DBN1: variants seen among roughly 807,000 people sequenced by gnomAD.
DBN1 encodes drebrin.
In DBN1, 21 loss-of-function variants were observed where a neutral mutation model predicts 83.5. The observed-to-expected ratio is 0.25, with a 90% CI of 0.18 to 0.36. The LOEUF is 0.36. Ranked by LOEUF, DBN1 falls within the 10% of genes least tolerant of loss-of-function variation. The pLI, the probability that DBN1 is intolerant of heterozygous loss-of-function variation, is 1.00. For missense variants in DBN1, 874 were observed against 935.7 expected (o/e 0.93, Z 0.86); for synonymous variants, 381 against 384.9 (o/e 0.99, Z 0.12).
intron 12 of DBN1, 85 bp downstream of exon 12, chr5:177,459,013 T>C: frequency 6.5e-7 from 1 of 1,530,940 alleles, no homozygotes; most frequent in East Asian, 2.3e-5. Context: ...CCCAGATCCC[T>C]GGAGAACGGT....
chr5:177,470,489 T>C (rs972546112), intron 1 of DBN1, among the ~76,000 whole-genome samples: 6 of 151,846 alleles, frequency 4.0e-5, no homozygotes, highest in Admixed American at 2.6e-4. Flanking sequence ...GCCGCAGCTC[T>C]CCCCCAGCAG....
intron 1 of DBN1, chr5:177,472,009 G>C (rs1000216234): frequency 1.3e-5 from 17 of 1,277,502 alleles, no homozygotes; most frequent in Non-Finnish European, 3.2e-6. Context: ...AGGCCAAGCC[G>C]GCCACTTGCC....
Position 177,467,213 on chromosome 5 carries a change from C to CA in DBN1, c.555+41dup, listed in dbSNP as rs759060521. 3.2e-5 allele frequency: 51 copies of CA among 1,612,394 alleles called. No individual in the cohort carries two copies. Among genetic ancestry groups the CA allele is most frequent in the Non-Finnish European group, 4.3e-5 (51 of 1,178,508 alleles). On this transcript the variant is annotated intron_variant, in intron 6 of 14. Transcript: ENST00000393565. This position sits in a 1 kb window ranked among gnomAD's most constrained non-coding sequence, Gnocchi z 9.1. ...GGACTCAGACCTGCCCCATGGGGTC[C>CA]ATGAGGGGTGGCTCAGCCAGGCCGG...
chr5:177,464,176 G>A (rs527870115), intron 8 of DBN1, among the ~76,000 whole-genome samples: 15 of 151,434 alleles, frequency 9.9e-5, no homozygotes, highest in African/African-American at 3.2e-4. Context: ...GGCAGGGTGC[G>A]GTGGCTCACG....
At position 177,462,151 on chromosome 5, in the gene DBN1, C is replaced by T. The variant is rs190317159; in HGVS notation, c.772-1448G>A. The stretch of plus-strand genomic sequence containing the variant: ...GTGGGCAGCGCCCGCACTTGGCCTA[C>T]GTCCCCCACCCCTGCCTGACCTAGC... On this transcript the variant is annotated intron_variant, in intron 8 of 14. Coordinates refer to ENST00000393565, the MANE Select transcript of DBN1 (RefSeq NM_001363541.2). 3.9e-5 allele frequency: 36 copies of T among 922,112 alleles called. No homozygotes were observed. In the East Asian group the frequency reaches 4.7e-4, roughly 12 times the overall value. The allele number at this position is 922,112 out of a possible 1,614,324, so 57.1% of individuals were successfully genotyped here. A position where few individuals can be genotyped will look rare whatever the true frequency, so the allele number is the denominator to read the frequency against.
In DBN1 at chr5:177,466,777, T is replaced by C. The variant is rs200457435; in HGVS notation, c.766A>G (p.Ile256Val). The change falls in exon 8 of 15, where the codon ATC becomes GTC. Residue 256 changes from isoleucine to valine, a missense_variant. By Grantham distance (29) the Ile-to-Val change is conservative (BLOSUM62 3). This residue lies in a region of DBN1 where 725 missense variants were observed against 719.7 expected (regional missense o/e 1.01). Coordinates refer to ENST00000393565, the MANE Select transcript of DBN1 (RefSeq NM_001363541.2). The surrounding 1 kb of genome is among the most constrained non-coding windows in gnomAD (Gnocchi z 4.8). The part of the protein sequence containing the change: ...EAKRRLKEQS[I>V]FGDHRDEEEE... ...AGCCTTGGCAAAGAACTTACAAAGA[T>C]AGACTGCTCCTTCAACCGCCTCTTG... The C allele has an allele frequency of 9.4e-5, 151 of 1,614,032 alleles. No homozygotes were observed. Among genetic ancestry groups the C allele is most frequent in the Middle Eastern group, 6.6e-4 (4 of 6,084 alleles).
chr5:177,472,863 C>T (rs1757948839), intron 1 of DBN1: 1 of 985,398 alleles, frequency 1.0e-6, no homozygotes, highest in African/African-American at 1.7e-5. Flanking sequence ...CACTCCAGCC[C>T]AGGTTTCGGG....
At chr5:177,463,974 G>T in intron 8 of DBN1, among the ~76,000 whole-genome samples, 1 of 151,916 alleles carries the variant, frequency 6.6e-6, no homozygotes, top group Non-Finnish European at 1.5e-5. Context: ...CATTAGCCGG[G>T]CATGGAGCCG....
In DBN1 at chr5:177,467,767, C is replaced by T. The variant is rs1016935778; in HGVS notation, c.306G>A (p.Val102=). 5 of 1,555,008 alleles carry T rather than the reference C, an allele frequency of 3.2e-6. No homozygotes were observed. Among genetic ancestry groups the T allele is most frequent in the African/African-American group, 1.4e-5 (1 of 73,140 alleles). The change falls in exon 4 of 15, where the codon GTG becomes GTA. Residue 102 remains valine, a synonymous_variant. Coordinates refer to ENST00000393565, the MANE Select transcript of DBN1 (RefSeq NM_001363541.2). This position sits in a 1 kb window ranked among gnomAD's most constrained non-coding sequence, Gnocchi z 9.1. ...CCTGGAAGAACTCCGCCACCTTAGC[C>T]ACGTGGCTGGCACAAGCGCACTTGC... is the stretch of plus-strand genomic sequence containing the variant. The part of the protein sequence containing the change: ...DARKCACASH[V]AKVAEFFQGV...
rs1561685649 is a variant in DBN1 at position 177,466,972 on chromosome 5, G to GCCGCTCCTGCTCCAT, written c.631_645dup (p.Met211_Arg215dup). On this transcript the variant is annotated inframe_insertion, in exon 7 of 15. Coordinates refer to ENST00000393565, the MANE Select transcript of DBN1 (RefSeq NM_001363541.2). The surrounding 1 kb of genome is among the most constrained non-coding windows in gnomAD (Gnocchi z 4.8). ...CGCCGCTCGCGCTCCTCTTGCTCCT[G>GCCGCTCCTGCTCCAT]CCGCTCCTGCTCCATCCGCTCCTGC... The GCCGCTCCTGCTCCAT allele has an allele frequency of 6.2e-7, 1 of 1,613,024 alleles. No individual in the cohort carries two copies. The highest frequency in any genetic ancestry group is 1.1e-5 in the South Asian group (1 of 91,084).
At chr5:177,472,725 C>G in intron 1 of DBN1, 2 of 949,314 alleles carry the variant, frequency 2.1e-6, no homozygotes, top group South Asian at 3.9e-5. Flanking sequence ...TGCCCCCCAG[C>G]CCAGCTGCCT....
intron 11 of DBN1, 115 bp downstream of exon 11, chr5:177,459,488 G>T: frequency 7.4e-7 from 1 of 1,352,132 alleles, no homozygotes; most frequent in Non-Finnish European, 9.8e-7. Context: ...GGCAGTGCCT[G>T]CCCTGGGGGC....
chr5:177,457,526 G>A (rs1325901394), intron 14 of DBN1, 23 bp from the exon 15 acceptor site: 11 of 1,611,606 alleles, frequency 6.8e-6, no homozygotes, highest in Admixed American at 1.7e-5. Flanking sequence ...AAAGGGAGAG[G>A]AGTTAGGGAC....
At position 177,468,236 on chromosome 5, in the gene DBN1, G is replaced by A. The variant is rs182722059; in HGVS notation, c.143-16C>T. On this transcript the variant is annotated splice_polypyrimidine_tract_variant and intron_variant, in intron 2 of 14. Transcript: ENST00000393565. The stretch of plus-strand genomic sequence containing the variant: ...AAGCCCCCTTCTAGGGTAATCAGGA[G>A]AGTGTCAGGTCTCTCTGCCTCCTAA... 3.1e-6 allele frequency: 5 copies of A among 1,606,268 alleles called. No homozygotes were observed. The Admixed American group carries it at 8.3e-5, about 27-fold the overall frequency.
rs1196761191 is a variant in DBN1 at position 177,459,161 on chromosome 5, C to A, written c.1201G>T (p.Ala401Ser). 2 of 1,611,242 alleles carry A rather than the reference C, an allele frequency of 1.2e-6. No individual in the cohort carries two copies. The highest frequency in any genetic ancestry group is 1.3e-5 in the African/African-American group (1 of 74,760). The stretch of plus-strand genomic sequence containing the variant: ...TGCGAGGAGGTGACCTCATCCAGGG[C>A]CCGCTCTATCTGCTCAGCGACAGGG... ...STPVAEQIER[A>S]LDEVTSSQPP... The change falls in exon 12 of 15, where the codon GCC becomes TCC. Residue 401 changes from alanine (A) to serine (S), a missense_variant. By Grantham distance (99) the Ala-to-Ser change is moderately conservative (BLOSUM62 1). This residue lies in a region of DBN1 where 725 missense variants were observed against 719.7 expected (regional missense o/e 1.01). Transcript: ENST00000393565.
chr5:177,464,881 G>A (rs545917880), intron 8 of DBN1, among the ~76,000 whole-genome samples: 4 of 152,180 alleles, frequency 2.6e-5, no homozygotes, highest in African/African-American at 7.2e-5. Flanking sequence ...CAGGCCGGGT[G>A]CAGTGGCTCA....
At chr5:177,465,212 T>C (rs1400047539) in intron 8 of DBN1, among the ~76,000 whole-genome samples, 1 of 152,210 alleles carries the variant, frequency 6.6e-6, no homozygotes, top group Non-Finnish European at 1.5e-5. Flanking sequence ...ATAAATAAAA[T>C]GTGGTATATC....
chr5:177,462,590 C>T (rs919134261), intron 8 of DBN1, among the ~76,000 whole-genome samples: 3 of 152,340 alleles, frequency 2.0e-5, no homozygotes, highest in African/African-American at 7.2e-5. Context: ...CAGCACAAGG[C>T]GGGCGCATGT....
chr5:177,470,415 TC>T (rs1301550321), intron 1 of DBN1, among the ~76,000 whole-genome samples: 1 of 152,058 alleles, frequency 6.6e-6, no homozygotes, highest in Non-Finnish European at 1.5e-5. Flanking sequence ...CTGCCTAGGC[TC>T]CCCGGGGTGC....
Sources: allele counts gnomAD v4.1 joint callset (sites outside exome capture counted in the v4.1 genomes callset), GRCh38; gene constraint gnomAD v4.1.1; regional missense constraint gnomAD v4.1.1; non-coding constraint Gnocchi (gnomAD v3.1); transcripts MANE v1.5; gene names NCBI Gene and HGNC (gene_info 2026-07-23, HGNC 2026-07-21).